CRPPA: variants seen among roughly 807,000 people sequenced by gnomAD.
The protein encoded by CRPPA is CDP-L-ribitol pyrophosphorylase A, also known as D-ribitol-5-phosphate cytidylyltransferase.
A neutral mutation model predicts 52.0 loss-of-function variants in CRPPA; 43 were observed. That is an observed-to-expected ratio of 0.83 (90% CI 0.65 to 1.07). The LOEUF is 1.07. Among genes scored for constraint, CRPPA ranks in the 50% least tolerant of loss-of-function variants. CRPPA has a pLI of 0.00. For missense variants in CRPPA, 629 were observed against 551.7 expected, an observed-to-expected ratio of 1.14 and a Z score of -1.40; for synonymous variants, 250 against 203.5, an observed-to-expected ratio of 1.23 and a Z score of -1.94.
chr7:16,218,717 G>T (rs1344045761), intron 8 of CRPPA, among the ~76,000 whole-genome samples: 1 of 119,360 alleles, frequency 8.4e-6, no homozygotes, highest in East Asian at 2.4e-4. Context: ...AATGGTAAAG[G>T]GATCAATTCA....
intron 9 of CRPPA, among the ~76,000 whole-genome samples, chr7:16,107,481 TA>T (rs956530544): frequency 6.7e-5 from 10 of 150,238 alleles, no homozygotes; most frequent in Non-Finnish European, 1.2e-4. Flanking sequence ...AAGTCTTAAA[TA>T]AAAAAAAAGA....
At position 16,115,040 on chromosome 7, in the gene CRPPA, G is replaced by A. The variant is rs115731710; in HGVS notation, c.1252-23241C>T. ...ATCTGACTTTCAAAACTATGTTAATGTTTCACGCACTCCAAAAAAATAATT... is the reference window on the plus strand; with the variant it reads ...ATCTGACTTTCAAAACTATGTTAATATTTCACGCACTCCAAAAAAATAATT... On this transcript the variant is annotated intron_variant, in intron 9 of 9. Transcript: ENST00000407010. 2.9e-3 allele frequency among the ~76,000 whole-genome samples: 445 copies of A among 152,066 alleles called. 5 individuals are homozygous for A. Among genetic ancestry groups the A allele is most frequent in the African/African-American group, 0.011 (437 of 41,504 alleles).
intron 8 of CRPPA, among the ~76,000 whole-genome samples, chr7:16,253,488 G>C (rs185817108): frequency 2.0e-5 from 3 of 152,106 alleles, no homozygotes; most frequent in Non-Finnish European, 4.4e-5. Context: ...TACGATTTCT[G>C]TTCTTTTACA....
At chr7:16,395,527 A>G (rs1268317253) in intron 2 of CRPPA, among the ~76,000 whole-genome samples, 1 of 152,100 alleles carries the variant, frequency 6.6e-6, no homozygotes, top group Non-Finnish European at 1.5e-5. Flanking sequence ...AATATTTCAC[A>G]TATTTAATCA....
intron 9 of CRPPA, among the ~76,000 whole-genome samples, chr7:16,193,307 T>C (rs62440376): frequency 0.3 from 45,473 of 151,936 alleles, 8,181 homozygotes; most frequent in Admixed American, 0.4. Flanking sequence ...AGTGAGATTG[T>C]TTACCTTTAA....
intron 9 of CRPPA, among the ~76,000 whole-genome samples, chr7:16,197,921 G>A (rs886442381): frequency 5.4e-5 from 8 of 148,672 alleles, no homozygotes; most frequent in African/African-American, 1.2e-4. Flanking sequence ...GGGCGGTGCA[G>A]GATGTGCTTT....
At chr7:16,214,397 C>A (rs1420702312) in intron 9 of CRPPA, among the ~76,000 whole-genome samples, 2 of 152,200 alleles carry the variant, frequency 1.3e-5, no homozygotes, top group Non-Finnish European at 2.9e-5. Context: ...ACTCTACTTT[C>A]TAACTGCACT....
chr7:16,246,268 A>G (rs1296258309), intron 8 of CRPPA, among the ~76,000 whole-genome samples: 10 of 152,128 alleles, frequency 6.6e-5, no homozygotes, highest in African/African-American at 2.2e-4. Flanking sequence ...GCTCACCCAT[A>G]AGAAGCAACT....
chr7:16,387,056 T>TATATATATATATATATATATATACAC (rs1787292921), intron 2 of CRPPA, among the ~76,000 whole-genome samples: 1 of 69,266 alleles, frequency 1.4e-5, no homozygotes, highest in African/African-American at 7.9e-5. Context: ...TATATATATA[T>TATATATATATATATATATATATACAC]ATATATATAT....
intron 9 of CRPPA, among the ~76,000 whole-genome samples, chr7:16,175,552 T>G (rs1213024332): frequency 6.6e-6 from 1 of 152,150 alleles, no homozygotes; most frequent in Non-Finnish European, 1.5e-5. Flanking sequence ...CTATAACCAC[T>G]GAAGGGCCAG....
intron 9 of CRPPA, among the ~76,000 whole-genome samples, chr7:16,166,749 T>A (rs572749112): frequency 6.6e-6 from 1 of 152,150 alleles, no homozygotes; most frequent in South Asian, 2.1e-4. Flanking sequence ...TACATCACGA[T>A]CTTGCCAGGT....
intron 9 of CRPPA, among the ~76,000 whole-genome samples, chr7:16,092,143 C>T (rs1781850159): frequency 6.6e-6 from 1 of 152,084 alleles, no homozygotes. Context: ...CAATCCTTTT[C>T]TTCATCTTGT....
chr7:16,194,848 G>T (rs1305113052), intron 9 of CRPPA, among the ~76,000 whole-genome samples: 53 of 147,578 alleles, frequency 3.6e-4, no homozygotes, highest in Non-Finnish European at 1.3e-4. Flanking sequence ...TGGTCTTTTG[G>T]TTTTTTTTTT....
intron 9 of CRPPA, among the ~76,000 whole-genome samples, chr7:16,144,122 C>G (rs1485727527): frequency 1.3e-5 from 2 of 152,154 alleles, no homozygotes; most frequent in Admixed American, 1.3e-4. Flanking sequence ...ACATTGATGA[C>G]AAGCCCACAG....
chr7:16,319,553 T>C (rs545060287), intron 3 of CRPPA, among the ~76,000 whole-genome samples: 3 of 152,290 alleles, frequency 2.0e-5, no homozygotes, highest in Admixed American at 2.0e-4. Flanking sequence ...GTGATTGGGT[T>C]AAGGTGTTTA....
chr7:16,373,862 C>T (rs899427440), intron 3 of CRPPA, among the ~76,000 whole-genome samples: 1 of 152,142 alleles, frequency 6.6e-6, no homozygotes, highest in Admixed American at 6.5e-5. Context: ...ACATCTGTGA[C>T]CTTCCAGCAC....
chr7:16,222,942 T>G (rs1782560986), intron 8 of CRPPA, among the ~76,000 whole-genome samples: 1 of 152,210 alleles, frequency 6.6e-6, no homozygotes. Context: ...TTCTATGTTT[T>G]AGGAACATTT....
intron 3 of CRPPA, among the ~76,000 whole-genome samples, chr7:16,316,748 T>A (rs1414411186): frequency 6.6e-6 from 1 of 152,006 alleles, no homozygotes; most frequent in Non-Finnish European, 1.5e-5. Flanking sequence ...TCCAAGCTAC[T>A]CAGAAGGCTG....
At chr7:16,345,092 G>A (rs1406298148) in intron 3 of CRPPA, among the ~76,000 whole-genome samples, 1 of 152,080 alleles carries the variant, frequency 6.6e-6, no homozygotes, top group Admixed American at 6.6e-5. Context: ...ATCAAAAAGG[G>A]AATCTTGAAA....
Sources: allele counts gnomAD v4.1 joint callset (sites outside exome capture counted in the v4.1 genomes callset), GRCh38; gene constraint gnomAD v4.1.1; transcripts MANE v1.5; gene names NCBI Gene and HGNC (gene_info 2026-07-23, HGNC 2026-07-21).